RFX3: variants seen among roughly 807,000 people sequenced by gnomAD.
RFX3 encodes the protein regulatory factor X3, also known as transcription factor RFX3.
In RFX3, 14 loss-of-function variants were observed where a neutral mutation model predicts 98.6. The observed-to-expected ratio is 0.14, with a 90% CI of 0.09 to 0.22. RFX3 has a LOEUF of 0.22. Among genes scored for constraint, RFX3 ranks in the 10% least tolerant of loss-of-function variants. The probability of loss-of-function intolerance (pLI) is 1.00; values close to 1 mark genes in which losing one functional copy is unlikely to be tolerated. For missense variants in RFX3, 639 were observed against 926.9 expected, an observed-to-expected ratio of 0.69 and a Z score of 4.03; for synonymous variants, 383 against 328.4, an observed-to-expected ratio of 1.17 and a Z score of -1.80.
Position 3,298,473 on chromosome 9 carries a change from T to A in RFX3, c.549+3073A>T, listed in dbSNP as rs114647059. 7.6e-3 allele frequency among the ~76,000 whole-genome samples: 1,149 copies of A among 152,004 alleles called. 6 individuals carry two copies. The highest frequency in any genetic ancestry group is 0.026 in the African/African-American group (1,087 of 41,548). ...AGGCCTGATCCCTTCTATTGTTTCT[T>A]TTTATTCATTCAGCAAATATTTAGT... On this transcript the variant is annotated intron_variant, in intron 5 of 16. Transcript: ENST00000617270.
chr9:3,248,458 C>T (rs1820966589), intron 14 of RFX3, among the ~76,000 whole-genome samples: 1 of 152,178 alleles, frequency 6.6e-6, no homozygotes, highest in Non-Finnish European at 1.5e-5. Context: ...TCTGCTGCTT[C>T]TACCAAACTC....
chr9:3,232,776 G>C (rs994203001), intron 15 of RFX3, among the ~76,000 whole-genome samples: 1 of 142,056 alleles, frequency 7.0e-6, no homozygotes, highest in African/African-American at 2.6e-5. Context: ...GAATCTGAGA[G>C]AGAGAGAGAG....
intron 1 of RFX3, among the ~76,000 whole-genome samples, chr9:3,472,865 T>C (rs1200223498): frequency 6.6e-6 from 1 of 152,218 alleles, no homozygotes; most frequent in Non-Finnish European, 1.5e-5. Flanking sequence ...CTGTACATTA[T>C]GTAGTTTTCT....
At chr9:3,234,804 C>G (rs1818919012) in intron 15 of RFX3, among the ~76,000 whole-genome samples, 1 of 152,172 alleles carries the variant, frequency 6.6e-6, no homozygotes, top group Non-Finnish European at 1.5e-5. Context: ...CCTGCTCCAG[C>G]TCATTAACAG....
chr9:3,248,015 C>G lies in RFX3; in HGVS notation c.1968+17G>C. The G allele has an allele frequency of 6.2e-7, 1 of 1,614,060 alleles. No individual in the cohort carries two copies. The highest frequency in any genetic ancestry group is 8.5e-7 in the Non-Finnish European group (1 of 1,179,952). The stretch of plus-strand genomic sequence containing the variant: ...TTTAATAACCCAGTGGGTCACAGCT[C>G]TTTCAGCCTCTCTTACCTCGCCCAT... On this transcript the variant is annotated intron_variant, in intron 15 of 16. Transcript: ENST00000617270.
At chr9:3,484,374 G>C (rs1417781464) in intron 1 of RFX3, among the ~76,000 whole-genome samples, 2 of 152,162 alleles carry the variant, frequency 1.3e-5, no homozygotes, top group Non-Finnish European at 2.9e-5. Flanking sequence ...TGAAATACAA[G>C]ACAATGCAAG....
At chr9:3,279,405 G>C (rs1825645013) in intron 7 of RFX3, among the ~76,000 whole-genome samples, 1 of 151,734 alleles carries the variant, frequency 6.6e-6, no homozygotes, top group South Asian at 2.1e-4. Context: ...AGGAATTTGA[G>C]TTATTAATAT....
At chr9:3,245,392 A>T (rs1423942597) in intron 15 of RFX3, among the ~76,000 whole-genome samples, 2 of 152,188 alleles carry the variant, frequency 1.3e-5, no homozygotes, top group African/African-American at 2.4e-5. Context: ...AGGAAGTGGG[A>T]GGCTGATGTT....
chr9:3,503,617 T>C (rs1011795481), intron 1 of RFX3, among the ~76,000 whole-genome samples: 1 of 152,154 alleles, frequency 6.6e-6, no homozygotes, highest in African/African-American at 2.4e-5. Flanking sequence ...TATGACAATC[T>C]ATTTGTCAAA....
At chr9:3,272,574 A>G (rs1824640069) in intron 9 of RFX3, among the ~76,000 whole-genome samples, 1 of 152,232 alleles carries the variant, frequency 6.6e-6, no homozygotes, top group African/African-American at 2.4e-5. Flanking sequence ...GGGCATGTAG[A>G]TGTCCCTCAT....
intron 1 of RFX3, among the ~76,000 whole-genome samples, chr9:3,450,446 C>T (rs150726559): frequency 6.6e-6 from 1 of 151,922 alleles, no homozygotes; most frequent in African/African-American, 2.4e-5. Context: ...ATCCTCTGTT[C>T]AATACACAAA....
At chr9:3,248,661 A>G (rs1820995666) in intron 14 of RFX3, among the ~76,000 whole-genome samples, 1 of 152,184 alleles carries the variant, frequency 6.6e-6, no homozygotes, top group Non-Finnish European at 1.5e-5. Flanking sequence ...AAATATAATA[A>G]GCAATGTTCC....
intron 4 of RFX3, among the ~76,000 whole-genome samples, chr9:3,316,333 T>C (rs754368741): frequency 6.6e-6 from 1 of 152,270 alleles, no homozygotes; most frequent in African/African-American, 2.4e-5. Context: ...TGGCCCTTCA[T>C]GCTAAAAAAT....
chr9:3,483,409 C>T (rs575472327), intron 1 of RFX3, among the ~76,000 whole-genome samples: 2 of 152,180 alleles, frequency 1.3e-5, no homozygotes, highest in South Asian at 4.1e-4. Context: ...CAGACTACTG[C>T]ATAACAGGTA....
chr9:3,231,359 T>A (rs1474024919), intron 15 of RFX3, among the ~76,000 whole-genome samples: 1 of 152,166 alleles, frequency 6.6e-6, no homozygotes, highest in Non-Finnish European at 1.5e-5. Flanking sequence ...AAAAACACTT[T>A]AACCCTATAG....
intron 14 of RFX3, among the ~76,000 whole-genome samples, chr9:3,251,229 A>T (rs1821353052): frequency 6.6e-6 from 1 of 152,220 alleles, no homozygotes; most frequent in South Asian, 2.1e-4. Flanking sequence ...AATATAGTTA[A>T]ATAGCCTATG....
At chr9:3,347,316 G>C (rs1834554565) in intron 2 of RFX3, among the ~76,000 whole-genome samples, 1 of 148,906 alleles carries the variant, frequency 6.7e-6, no homozygotes, top group African/African-American at 2.5e-5. Context: ...GTGAGATTCT[G>C]TCTCAAAAAA....
At position 3,483,529 on chromosome 9, in the gene RFX3, A is replaced by C. The variant is rs577636420; in HGVS notation, c.-9+42218T>G. Among the ~76,000 whole-genome samples the C allele has an allele frequency of 9.6e-4, 147 of 152,334 alleles. 1 individual carries two copies. The South Asian group carries it at 0.028, about 29-fold the overall frequency. On this transcript the variant is annotated intron_variant, in intron 1 of 16. Coordinates refer to ENST00000617270, the MANE Select transcript of RFX3 (RefSeq NM_001282116.2). ...AGTGACAACAGAGAAACCAGATTCT[A>C]CCTCTACCTAAGACAGGCCATAGTG...
In RFX3 at chr9:3,522,965, T is replaced by C. The variant is rs137991631; in HGVS notation, c.-9+2782A>G. On this transcript the variant is annotated intron_variant, in intron 1 of 16. Transcript: ENST00000617270. ...GTACCAAAGCAGAGTACAAGACTATTTGAGTACTGGAGGAATAATACAAAA... is the reference window on the plus strand; with the variant it reads ...GTACCAAAGCAGAGTACAAGACTATCTGAGTACTGGAGGAATAATACAAAA... Among the ~76,000 whole-genome samples, 141 of 152,266 alleles carry C rather than the reference T, an allele frequency of 9.3e-4. 3 individuals carry two copies. In the East Asian group the frequency reaches 0.022, roughly 24 times the overall value.
Sources: allele counts gnomAD v4.1 joint callset (sites outside exome capture counted in the v4.1 genomes callset), GRCh38; gene constraint gnomAD v4.1.1; transcripts MANE v1.5; gene names NCBI Gene and HGNC (gene_info 2026-07-23, HGNC 2026-07-21).